The following IL1RAPL2 variants were observed in gnomAD, a reference collection of about 807,000 sequenced individuals.
The protein encoded by IL1RAPL2 is interleukin 1 receptor accessory protein like 2.
In IL1RAPL2, 3 loss-of-function variants were observed where a neutral mutation model predicts 44.1. That is an observed-to-expected ratio of 0.07 (90% confidence interval 0.03 to 0.18). IL1RAPL2 has a LOEUF of 0.18. IL1RAPL2 is among the 10% of genes least tolerant of loss of function. The pLI is 1.00. For synonymous variants in IL1RAPL2, 181 were observed against 178.8 expected (o/e 1.01, Z -0.10); for missense variants, 391 against 496.4 (o/e 0.79, Z 2.02).
At chrX:104,583,349 A>G (rs1928450089) in intron 1 of IL1RAPL2, among the ~76,000 whole-genome samples, 1 of 111,790 alleles carries the variant, frequency 8.9e-6, no homozygotes, top group African/African-American at 3.3e-5. Context: ...TATTTTTATC[A>G]TCTCAAAAAG....
intron 2 of IL1RAPL2, among the ~76,000 whole-genome samples, chrX:104,939,077 G>T (rs1207443988): frequency 2.6e-4 from 20 of 77,417 alleles, no homozygotes; most frequent in African/African-American, 7.3e-4. Flanking sequence ...TTTTTTTTGA[G>T]ATGGAGTCTT....
intron 1 of IL1RAPL2, among the ~76,000 whole-genome samples, chrX:104,570,014 C>A (rs1230673009): frequency 1.8e-5 from 2 of 112,174 alleles, no homozygotes; most frequent in East Asian, 5.6e-4. Flanking sequence ...GTACACACTG[C>A]CTTCTTCGTT....
At chrX:104,668,007 C>T (rs767837976) in intron 2 of IL1RAPL2, among the ~76,000 whole-genome samples, 9 of 110,853 alleles carry the variant, frequency 8.1e-5, no homozygotes, top group Admixed American at 2.9e-4. Flanking sequence ...GGAATAGTGA[C>T]GGGGGATGGT....
At chrX:105,422,710 A>G (rs2035781837) in intron 5 of IL1RAPL2, among the ~76,000 whole-genome samples, 1 of 111,689 alleles carries the variant, frequency 9.0e-6, no homozygotes, top group African/African-American at 3.3e-5. Context: ...TTAAGCAAAA[A>G]GTCAAAAAGA....
intron 6 of IL1RAPL2, among the ~76,000 whole-genome samples, chrX:105,637,595 G>GCCC (rs35771946): frequency 1.5e-4 from 16 of 106,200 alleles, no homozygotes; most frequent in Admixed American, 1.2e-3. Flanking sequence ...TAAATTATTT[G>GCCC]CCCCCCCCAT....
At chrX:105,136,997 G>A (rs62602972) in intron 2 of IL1RAPL2, among the ~76,000 whole-genome samples, 1,973 of 111,771 alleles carry the variant, frequency 0.018, 29 homozygotes, top group Non-Finnish European at 0.025. Context: ...CCCATGCCCT[G>A]CCAAGTAAGC....
At chrX:104,847,081 T>G (rs1922073170) in intron 2 of IL1RAPL2, among the ~76,000 whole-genome samples, 3 of 112,149 alleles carry the variant, frequency 2.7e-5, no homozygotes, top group Admixed American at 9.5e-5. Context: ...TCTTTGTAGA[T>G]TCTGGATATT....
intron 5 of IL1RAPL2, among the ~76,000 whole-genome samples, chrX:105,451,253 T>C (rs1042885726): frequency 9.0e-6 from 1 of 111,721 alleles, no homozygotes; most frequent in Non-Finnish European, 1.9e-5. Flanking sequence ...ACTGCTCTCA[T>C]TGTACGAGTG....
chrX:105,418,305 A>T (rs1028620801), intron 5 of IL1RAPL2, among the ~76,000 whole-genome samples: 1 of 111,155 alleles, frequency 9.0e-6, no homozygotes, highest in Non-Finnish European at 1.9e-5. Flanking sequence ...CTGATATATG[A>T]TTGTTATTTT....
At chrX:104,636,801 G>A (rs186470733) in intron 1 of IL1RAPL2, among the ~76,000 whole-genome samples, 10 of 112,202 alleles carry the variant, frequency 8.9e-5, no homozygotes, top group Non-Finnish European at 1.7e-4. Context: ...CAGGTGAGGC[G>A]ATGCCTCGCC....
chrX:105,257,230 C>T (rs1414833023), intron 4 of IL1RAPL2, among the ~76,000 whole-genome samples: 1 of 111,376 alleles, frequency 9.0e-6, no homozygotes, highest in Non-Finnish European at 1.9e-5. Context: ...GTTTAATTTC[C>T]ATGTAATTGC....
At chrX:104,949,674 G>A (rs1190704153) in intron 2 of IL1RAPL2, among the ~76,000 whole-genome samples, 2 of 109,836 alleles carry the variant, frequency 1.8e-5, no homozygotes, top group African/African-American at 6.7e-5. Flanking sequence ...ATTTCGTTAT[G>A]TAGCCAGTAG....
intron 6 of IL1RAPL2, among the ~76,000 whole-genome samples, chrX:105,520,245 A>T (rs1184562928): frequency 5.4e-5 from 6 of 112,051 alleles, no homozygotes; most frequent in African/African-American, 1.9e-4. Context: ...ACCCAGAGTA[A>T]TCTTTCTTTG....
chrX:104,651,391 A>G (rs1368569473), intron 1 of IL1RAPL2, among the ~76,000 whole-genome samples: 3 of 112,157 alleles, frequency 2.7e-5, no homozygotes, highest in Non-Finnish European at 5.6e-5. Context: ...CAGTTATAAA[A>G]TCTAGTTCAT....
chrX:105,359,767 T>C (rs1314652207), intron 5 of IL1RAPL2, among the ~76,000 whole-genome samples: 1 of 39,532 alleles, frequency 2.5e-5, no homozygotes, highest in Non-Finnish European at 8.9e-5. Flanking sequence ...ATAATAATAA[T>C]ACATTTAGTA....
intron 2 of IL1RAPL2, among the ~76,000 whole-genome samples, chrX:105,101,770 A>G (rs1275113004): frequency 1.8e-5 from 2 of 111,883 alleles, no homozygotes; most frequent in Non-Finnish European, 3.8e-5. Context: ...GAACTCTACA[A>G]TCAGGGATTT....
intron 2 of IL1RAPL2, among the ~76,000 whole-genome samples, chrX:105,157,639 A>G (rs1047704126): frequency 8.9e-6 from 1 of 112,131 alleles, no homozygotes; most frequent in African/African-American, 3.2e-5. Context: ...ATGAGAGTTA[A>G]GGATTGCAAA....
chrX:105,471,493 A>G (rs1055905798), intron 5 of IL1RAPL2, among the ~76,000 whole-genome samples: 7 of 111,828 alleles, frequency 6.3e-5, no homozygotes, highest in African/African-American at 2.3e-4. Context: ...AGACATTTCC[A>G]AGGTCTAGAT....
chrX:105,565,812 C>A (rs2147808616), intron 6 of IL1RAPL2, among the ~76,000 whole-genome samples: 1 of 111,857 alleles, frequency 8.9e-6, no homozygotes, highest in African/African-American at 3.2e-5. Context: ...ATTCTCTTTC[C>A]AAGACACCAC....
Sources: gnomAD v4.1 joint callset for allele counts (sites outside exome capture counted in the v4.1 genomes callset) on GRCh38, gnomAD v4.1.1 for gene constraint, MANE v1.5 for transcripts, NCBI Gene and HGNC (gene_info 2026-07-23, HGNC 2026-07-21) for gene names.